The following CAMK1D variants were observed in gnomAD, a reference collection of about 807,000 sequenced individuals.
The protein encoded by CAMK1D is calcium/calmodulin dependent protein kinase ID.
CAMK1D carries 9 observed loss-of-function variants against 47.7 expected under a neutral mutation model. The ratio of observed to expected loss-of-function variants is 0.19; its 90% CI spans 0.11 to 0.33. The LOEUF is 0.33. Ranked by LOEUF, CAMK1D falls within the 10% of genes least tolerant of loss-of-function variation. The pLI is 1.00. For missense variants in CAMK1D, 291 were observed against 488.7 expected (o/e 0.60, Z 3.81); for synonymous variants, 184 against 184.9 (o/e 0.99, Z 0.04).
chr10:12,625,336 C>CA (rs869128579), intron 2 of CAMK1D, among the ~76,000 whole-genome samples: 4,386 of 42,294 alleles, frequency 0.1, 308 homozygotes, highest in African/African-American at 0.19. Flanking sequence ...ACTCCATGTA[C>CA]AAAAAAAAAA....
intron 3 of CAMK1D, among the ~76,000 whole-genome samples, chr10:12,690,671 G>A (rs1222560815): frequency 2.0e-5 from 3 of 152,146 alleles, no homozygotes; most frequent in Admixed American, 2.0e-4. Flanking sequence ...CTGGCCTAAG[G>A]TCTGTGACTG....
At chr10:12,429,462 C>A (rs1341589263) in intron 1 of CAMK1D, among the ~76,000 whole-genome samples, 1 of 152,150 alleles carries the variant, frequency 6.6e-6, no homozygotes, top group Non-Finnish European at 1.5e-5. Context: ...GCCTCAGCCT[C>A]CTGAGTAGCT....
intron 1 of CAMK1D, among the ~76,000 whole-genome samples, chr10:12,486,310 C>A (rs974880730): frequency 6.6e-6 from 1 of 152,074 alleles, no homozygotes; most frequent in Non-Finnish European, 1.5e-5. Flanking sequence ...AGGTGCCCAC[C>A]ACCACACCTG....
At chr10:12,502,326 GT>G (rs1190468008) in intron 1 of CAMK1D, among the ~76,000 whole-genome samples, 1 of 152,198 alleles carries the variant, frequency 6.6e-6, no homozygotes, top group Non-Finnish European at 1.5e-5. Flanking sequence ...AAATCAGGCG[GT>G]GATGTACCGT....
intron 5 of CAMK1D, among the ~76,000 whole-genome samples, chr10:12,781,981 T>G (rs1469404130): frequency 4.0e-5 from 6 of 150,946 alleles, no homozygotes; most frequent in African/African-American, 4.9e-5. Flanking sequence ...TGTTTTTTTT[T>G]TTTTTTTTTT....
intron 1 of CAMK1D, among the ~76,000 whole-genome samples, chr10:12,507,661 G>A (rs979033956): frequency 1.3e-5 from 2 of 152,170 alleles, no homozygotes; most frequent in East Asian, 1.9e-4. Flanking sequence ...CTGCGGATGG[G>A]CTTGTGGTGT....
In CAMK1D at chr10:12,791,281, T is replaced by TG. The variant is rs139963294; in HGVS notation, c.641+49dup. 512 of 1,554,886 alleles carry TG rather than the reference T, an allele frequency of 3.3e-4. 1 individual carries two copies. The African/African-American group carries it at 6.4e-3, about 19-fold the overall frequency. ...GGTTCTTCCTCTACCGGCCTTTTTT[T>TG]GTTTGGTGAAATATACATGAAACAA... On this transcript the variant is annotated intron_variant, in intron 6 of 10. Coordinates refer to ENST00000619168, the MANE Select transcript of CAMK1D (RefSeq NM_153498.4).
At chr10:12,745,443 G>T (rs1007232901) in intron 3 of CAMK1D, among the ~76,000 whole-genome samples, 18 of 147,786 alleles carry the variant, frequency 1.2e-4, no homozygotes, top group Non-Finnish European at 2.5e-4. Context: ...ACTAGAAACA[G>T]AATGTGGTGA....
intron 3 of CAMK1D, among the ~76,000 whole-genome samples, chr10:12,682,365 A>G (rs1832479787): frequency 1.3e-5 from 2 of 152,362 alleles, no homozygotes; most frequent in South Asian, 4.1e-4. Flanking sequence ...AAGGCTGATT[A>G]TTTTGCAGTA....
At chr10:12,722,680 C>T (rs12246614) in intron 3 of CAMK1D, among the ~76,000 whole-genome samples, 3,785 of 152,212 alleles carry the variant, frequency 0.025, 107 homozygotes, top group African/African-American at 0.068. Context: ...ACCAAAGGAT[C>T]TGGACGAGGT....
chr10:12,799,289 A>T (rs1276761204), intron 6 of CAMK1D, among the ~76,000 whole-genome samples: 1 of 152,208 alleles, frequency 6.6e-6, no homozygotes, highest in African/African-American at 2.4e-5. Flanking sequence ...CAAAGAGGAC[A>T]CGCCGAAAGT....
At chr10:12,573,416 T>C (rs1365842897) in intron 2 of CAMK1D, among the ~76,000 whole-genome samples, 2 of 149,664 alleles carry the variant, frequency 1.3e-5, no homozygotes, top group East Asian at 1.9e-4. Context: ...CGAGATGCAC[T>C]GCAGTCATTG....
At chr10:12,677,741 G>C (rs1397712736) in intron 3 of CAMK1D, among the ~76,000 whole-genome samples, 1 of 152,156 alleles carries the variant, frequency 6.6e-6, no homozygotes, top group East Asian at 1.9e-4. Context: ...CTGAGTCTAT[G>C]AGGGACTTTG....
At chr10:12,700,774 C>T (rs1163788627) in intron 3 of CAMK1D, among the ~76,000 whole-genome samples, 3 of 152,200 alleles carry the variant, frequency 2.0e-5, no homozygotes, top group African/African-American at 4.8e-5. Context: ...CTCGAATTTT[C>T]TCCCCTCTGC....
At chr10:12,486,799 A>G (rs1834232500) in intron 1 of CAMK1D, among the ~76,000 whole-genome samples, 1 of 152,192 alleles carries the variant, frequency 6.6e-6, no homozygotes, top group Non-Finnish European at 1.5e-5. Context: ...ATTACCAGGC[A>G]CTGTGGTTCA....
chr10:12,738,134 A>C (rs568844516), intron 3 of CAMK1D, among the ~76,000 whole-genome samples: 1 of 152,350 alleles, frequency 6.6e-6, no homozygotes, highest in East Asian at 1.9e-4. Context: ...TGTAGGTGAC[A>C]ATGTGTGGAA....
intron 2 of CAMK1D, among the ~76,000 whole-genome samples, chr10:12,586,034 A>G (rs1837806944): frequency 6.6e-6 from 1 of 152,194 alleles, no homozygotes; most frequent in African/African-American, 2.4e-5. Context: ...AAATTGGCCA[A>G]GGTCACTGCT....
intron 1 of CAMK1D, among the ~76,000 whole-genome samples, chr10:12,512,848 A>G (rs1240255403): frequency 6.6e-6 from 1 of 152,242 alleles, no homozygotes; most frequent in Non-Finnish European, 1.5e-5. Context: ...AGACTGCAAC[A>G]GGGAAAGCAA....
chr10:12,582,935 A>G (rs2399871), intron 2 of CAMK1D, among the ~76,000 whole-genome samples: 152,324 of 152,336 alleles, frequency 1, 76,156 homozygotes, highest in Middle Eastern at 1. Flanking sequence ...TGAAATTTAA[A>G]TTGGATAAAA....
Sources: gnomAD v4.1 joint callset for allele counts (sites outside exome capture counted in the v4.1 genomes callset) on GRCh38, gnomAD v4.1.1 for gene constraint, MANE v1.5 for transcripts, NCBI Gene and HGNC (gene_info 2026-07-23, HGNC 2026-07-21) for gene names.